The following ROBO2 variants were observed in gnomAD, a reference collection of about 807,000 sequenced individuals.
The protein encoded by ROBO2 is roundabout guidance receptor 2, also known as roundabout homolog 2.
Under a neutral mutation model 160.8 loss-of-function variants are expected in ROBO2, and 53 were observed. The observed-to-expected ratio is 0.33, with a 90% CI of 0.26 to 0.41. The LOEUF (loss-of-function observed/expected upper bound fraction) is 0.41, where lower values mean the gene tolerates loss of function less well. ROBO2 is among the 10% of genes least tolerant of loss of function. The pLI, the probability that ROBO2 is intolerant of heterozygous loss-of-function variation, is 1.00. For missense variants in ROBO2, 1,577 were observed against 1,722.4 expected (o/e 0.92, Z 1.49); for synonymous variants, 664 against 611.7 (o/e 1.09, Z -1.26).
intron 2 of ROBO2, among the ~76,000 whole-genome samples, chr3:76,629,816 A>G (rs976176973): frequency 6.6e-6 from 1 of 152,232 alleles, no homozygotes; most frequent in African/African-American, 2.4e-5. Context: ...GCTTAGTAAT[A>G]TAATCTAAGT....
chr3:77,476,986 A>G (rs1351547024), intron 2 of ROBO2, among the ~76,000 whole-genome samples: 2 of 151,926 alleles, frequency 1.3e-5, no homozygotes, highest in Non-Finnish European at 2.9e-5. Flanking sequence ...TTCTCACCCC[A>G]CTTTCCCTCA....
At chr3:77,482,859 GA>G (rs1553981492) in intron 4 of ROBO2, among the ~76,000 whole-genome samples, 1 of 149,096 alleles carries the variant, frequency 6.7e-6, no homozygotes, top group Admixed American at 6.6e-5. Flanking sequence ...CTCTGGAATA[GA>G]AAGAAAAAAA....
At chr3:76,337,239 G>A (rs920000401) in intron 2 of ROBO2, among the ~76,000 whole-genome samples, 3 of 152,082 alleles carry the variant, frequency 2.0e-5, no homozygotes, top group African/African-American at 7.2e-5. Context: ...TCAGTGAGAT[G>A]AGCAGCAGAA....
chr3:76,960,543 T>C (rs2079575338), intron 2 of ROBO2, among the ~76,000 whole-genome samples: 1 of 152,120 alleles, frequency 6.6e-6, no homozygotes, highest in African/African-American at 2.4e-5. Context: ...TTAAAGTCTC[T>C]AGTTCCAAAA....
intron 2 of ROBO2, among the ~76,000 whole-genome samples, chr3:76,518,542 T>A (rs1302468639): frequency 6.6e-6 from 1 of 152,130 alleles, no homozygotes; most frequent in East Asian, 1.9e-4. Flanking sequence ...CAGGAATGAA[T>A]CATACTGTAG....
chr3:76,639,284 AGG>A (rs2090509495), intron 2 of ROBO2, among the ~76,000 whole-genome samples: 1 of 151,830 alleles, frequency 6.6e-6, no homozygotes. Flanking sequence ...ATATACATAT[AGG>A]TATATATGTA....
intron 2 of ROBO2, among the ~76,000 whole-genome samples, chr3:77,453,526 T>C (rs1256276257): frequency 1.3e-5 from 2 of 152,156 alleles, no homozygotes; most frequent in Non-Finnish European, 2.9e-5. Flanking sequence ...TAATCTACTC[T>C]GATTTCCTCA....
intron 2 of ROBO2, among the ~76,000 whole-genome samples, chr3:77,402,949 C>A (rs1346481498): frequency 2.6e-5 from 4 of 152,164 alleles, no homozygotes; most frequent in African/African-American, 9.7e-5. Flanking sequence ...CCCTGAGACT[C>A]TCCTTCTGCC....
At chr3:76,607,780 C>A (rs1339090110) in intron 2 of ROBO2, among the ~76,000 whole-genome samples, 1 of 152,190 alleles carries the variant, frequency 6.6e-6, no homozygotes. Context: ...GTCATCTTGA[C>A]ATCTCCTTCT....
At chr3:76,047,722 C>T (rs1330784324) in intron 2 of ROBO2, among the ~76,000 whole-genome samples, 1 of 152,168 alleles carries the variant, frequency 6.6e-6, no homozygotes, top group African/African-American at 2.4e-5. Context: ...AATATGCCTG[C>T]GTGCATGATG....
At chr3:76,005,264 TC>T (rs2065989585) in intron 2 of ROBO2, among the ~76,000 whole-genome samples, 2 of 152,206 alleles carry the variant, frequency 1.3e-5, no homozygotes, top group African/African-American at 4.8e-5. Flanking sequence ...AATAAAAGGA[TC>T]TTTGAATGAG....
At position 76,076,176 on chromosome 3, in the gene ROBO2, G is replaced by A. The variant is rs79137780; in HGVS notation, c.109+138574G>A. Among the ~76,000 whole-genome samples, 1,087 of 152,238 alleles carry A rather than the reference G, an allele frequency of 7.1e-3. 66 individuals are homozygous for A. In the East Asian group the frequency reaches 0.16, roughly 22 times the overall value. On this transcript the variant is annotated intron_variant, in intron 2 of 26. Coordinates refer to the ROBO2 transcript ENST00000487694. ...GGGTTTGAATGTCGTTTACTCTCCT[G>A]CACCTCCCTTTGAGATCAATTGCAT...
chr3:76,037,805 A>G lies in ROBO2; in HGVS notation c.109+100203A>G, dbSNP rs562634449. Among the ~76,000 whole-genome samples the G allele has an allele frequency of 8.5e-4, 130 of 152,212 alleles. 4 individuals carry two copies. The highest frequency in any genetic ancestry group is 3.0e-3 in the African/African-American group (125 of 41,444). ...AGTGATATTATAGAACAAAATCCTT[A>G]ACTACCCTTGGACAATGAATATGAG... On this transcript the variant is annotated intron_variant, in intron 2 of 26. Transcript: ENST00000487694.
At chr3:76,904,049 C>A (rs1024252335) in intron 2 of ROBO2, among the ~76,000 whole-genome samples, 1 of 152,098 alleles carries the variant, frequency 6.6e-6, no homozygotes, top group Non-Finnish European at 1.5e-5. Flanking sequence ...ACATGAAAAA[C>A]TTAAGGATAA....
rs560573649 is a variant in ROBO2, at chr3:77,202,043, T to C, written c.388+103703T>C. Among the ~76,000 whole-genome samples, 7 of 152,224 alleles carry C rather than the reference T, an allele frequency of 4.6e-5. No homozygotes were observed. The East Asian group carries it at 1.4e-3, about 29-fold the overall frequency. The stretch of plus-strand genomic sequence containing the variant: ...TATTTAGAGCTAATTGAGGAGTGTG[T>C]ATGTTTCTCAATCTACATTTTTAAT... On this transcript the variant is annotated intron_variant, in intron 2 of 25. Transcript: ENST00000461745.
At chr3:76,524,428 A>G (rs2081816141) in intron 2 of ROBO2, among the ~76,000 whole-genome samples, 1 of 151,914 alleles carries the variant, frequency 6.6e-6, no homozygotes, top group Non-Finnish European at 1.5e-5. Context: ...TTAAATCCAG[A>G]TATACTGACA....
chr3:76,912,863 A>G (rs1246424153), intron 2 of ROBO2, among the ~76,000 whole-genome samples: 2 of 152,094 alleles, frequency 1.3e-5, no homozygotes, highest in Non-Finnish European at 2.9e-5. Flanking sequence ...TACTACGTTC[A>G]CTCTTTACTC....
At chr3:77,143,097 A>G (rs1172358091) in intron 2 of ROBO2, among the ~76,000 whole-genome samples, 1 of 150,956 alleles carries the variant, frequency 6.6e-6, no homozygotes, top group Admixed American at 6.6e-5. Context: ...CCAATAAACA[A>G]AAAGCAAACT....
At chr3:77,431,599 A>G (rs1394405010) in intron 2 of ROBO2, among the ~76,000 whole-genome samples, 2 of 152,106 alleles carry the variant, frequency 1.3e-5, no homozygotes, top group African/African-American at 2.4e-5. Context: ...CCAAAGCAGA[A>G]TCTGTCTTAC....
Sources: allele counts gnomAD v4.1 joint callset (sites outside exome capture counted in the v4.1 genomes callset), GRCh38; gene constraint gnomAD v4.1.1; transcripts MANE v1.5; gene names NCBI Gene and HGNC (gene_info 2026-07-23, HGNC 2026-07-21).